Variants in UBE2Z observed in about 807,000 individuals in gnomAD.
UBE2Z encodes the protein ubiquitin conjugating enzyme E2 Z, also known as ubiquitin-conjugating enzyme E2 Z.
In UBE2Z, 10 loss-of-function variants were observed where a neutral mutation model predicts 32.6. The observed-to-expected ratio is 0.31, with a 90% CI of 0.19 to 0.52. The LOEUF is 0.52. UBE2Z is among the 20% of genes least tolerant of loss of function. The pLI, the probability that UBE2Z is intolerant of heterozygous loss-of-function variation, is 0.97. For synonymous variants in UBE2Z, 183 were observed against 190.8 expected (o/e 0.96, Z 0.34); for missense variants, 343 against 480.9 (o/e 0.71, Z 2.68).
intron 4 of UBE2Z, among the ~76,000 whole-genome samples, chr17:48,917,230 A>G (rs7208955): frequency 0.98 from 149,514 of 152,194 alleles, 73,508 homozygotes; most frequent in East Asian, 1. Context: ...GCGTGAACCC[A>G]GGTGGTGGAG....
At chr17:48,923,027 A>C in intron 6 of UBE2Z, 90 bp downstream of exon 6, 2 of 1,212,184 alleles carry the variant, frequency 1.6e-6, no homozygotes. Flanking sequence ...CTGTCATAGA[A>C]TGACACAGCT....
At position 48,918,343 on chromosome 17, in the gene UBE2Z, A is replaced by T. The variant is rs568351932; in HGVS notation, c.690+2156A>T. Among the ~76,000 whole-genome samples, 10 of 151,822 alleles carry T rather than the reference A, an allele frequency of 6.6e-5. No homozygotes were observed. In the East Asian group the frequency reaches 1.8e-3, roughly 27 times the overall value. ...TGCCTTTCAAAAATGAAAAATAAAA[A>T]TTTTTTTTGAGACAGAGTCTCACTC... On this transcript the variant is annotated intron_variant, in intron 4 of 6. Coordinates refer to ENST00000360943, the MANE Select transcript of UBE2Z (RefSeq NM_023079.5).
chr17:48,922,921 A>T lies in UBE2Z; in HGVS notation c.878A>T (p.Gln293Leu). The T allele has an allele frequency of 6.2e-7, 1 of 1,612,050 alleles. No homozygotes were observed. The highest frequency in any genetic ancestry group is 8.5e-7 in the Non-Finnish European group (1 of 1,178,948). Residue 293 changes from glutamine to leucine, a missense_variant, in exon 6 of 7, where the codon CAA (glutamine) becomes CTA (leucine). Physicochemically the swap from Gln to Leu is moderately radical, Grantham distance 113. Around this residue, in one of 4 missense-constraint regions of UBE2Z, gnomAD observed 182 missense variants for 312.4 expected, o/e 0.58. Transcript: ENST00000360943. ...GCCTGCAAAGATCGCCTGCACCTTC[A>T]AGGCCAAACTATGCAGGTAATACAA... ...EVACKDRLHLQGQTMQDPFGE... is the reference protein window; with the variant it reads ...EVACKDRLHLLGQTMQDPFGE...
chr17:48,926,842 A>G, intron 6 of UBE2Z, 122 bp from the exon 7 acceptor site: 2 of 1,094,836 alleles, frequency 1.8e-6, no homozygotes, highest in Non-Finnish European at 2.6e-6. Flanking sequence ...CTGTGCTGTT[A>G]GGCCTTCCTG....
rs996175223 is a variant in UBE2Z, at chr17:48,908,467, G to A, written c.-37G>A. The A allele has an allele frequency of 8.1e-6, 10 of 1,228,402 alleles. No individual in the cohort carries two copies. The highest frequency in any genetic ancestry group is 6.2e-5 in the African/African-American group (4 of 64,128). The allele number at this position is 1,228,402 out of a possible 1,614,324, so 76.1% of individuals were successfully genotyped here. ...GGGAGCAGCGGCCGCTCTGGTCGGC[G>A]GACGTGCTGCCGAGTAGTCCCGGAA... On this transcript the variant is annotated 5_prime_UTR_variant, in exon 1 of 7. Transcript: ENST00000360943.
chr17:48,913,059 G>A, intron 3 of UBE2Z, 38 bp downstream of exon 3: 1 of 1,598,712 alleles, frequency 6.3e-7, no homozygotes, highest in Non-Finnish European at 8.6e-7. Flanking sequence ...TCGGTTGTTA[G>A]CAGATAATTA....
intron 6 of UBE2Z, 87 bp downstream of exon 6, chr17:48,923,024 A>G: frequency 1.6e-6 from 2 of 1,220,278 alleles, no homozygotes; most frequent in Non-Finnish European, 2.3e-6. Flanking sequence ...CAGCTGTCAT[A>G]GAATGACACA....
Position 48,910,864 on chromosome 17 carries a change from C to G in UBE2Z, c.374C>G (p.Thr125Ser). ...CCAGGAATGTTCGTTGTACCTGATA[C>G]TGTTGACATGACTAAGGTATGTAAC... ...PPPGMFVVPD[T>S]VDMTKIHALI... The change falls in exon 2 of 7, where the codon ACT (threonine) becomes AGT (serine). Residue 125 changes from threonine (T) to serine (S), a missense_variant. Around this residue, in one of 4 missense-constraint regions of UBE2Z, gnomAD observed 182 missense variants for 312.4 expected, o/e 0.58. Coordinates refer to ENST00000360943, the MANE Select transcript of UBE2Z (RefSeq NM_023079.5). The G allele has an allele frequency of 6.2e-7, 1 of 1,613,334 alleles. No individual in the cohort carries two copies. Among genetic ancestry groups the G allele is most frequent in the Non-Finnish European group, 8.5e-7 (1 of 1,179,566 alleles).
At chr17:48,914,654 T>A (rs773595614) in intron 3 of UBE2Z, among the ~76,000 whole-genome samples, 1 of 151,954 alleles carries the variant, frequency 6.6e-6, no homozygotes, top group Admixed American at 6.6e-5. Context: ...GACAGTGGGG[T>A]AAAAGTAGTA....
chr17:48,911,630 ATC>A (rs1312667521), intron 2 of UBE2Z: 5 of 152,156 alleles, frequency 3.3e-5, no homozygotes, highest in Non-Finnish European at 5.9e-5. Flanking sequence ...TTGTTGGTGT[ATC>A]TTTTTTTGTT....
At chr17:48,912,759 G>A (rs927478016) in intron 2 of UBE2Z, 75 bp from the exon 3 acceptor site, 33 of 1,529,676 alleles carry the variant, frequency 2.2e-5, no homozygotes, top group Non-Finnish European at 2.9e-5. Context: ...GGTGTGGGTA[G>A]TAGGTGGAGG....
Position 48,912,992 on chromosome 17 carries a change from C to T in UBE2Z, c.549C>T (p.Arg183=). The part of the protein sequence containing the change: ...NTVRFNPNFY[R]NGKVCLSILG... Reference sequence around the variant, plus strand: ...TGAGGTTTAACCCCAACTTCTACCGCAATGGGAAAGTCTGCTTGAGTATTC... The same window carrying T: ...TGAGGTTTAACCCCAACTTCTACCGTAATGGGAAAGTCTGCTTGAGTATTC... Residue 183 remains arginine (R), a synonymous_variant, in exon 3 of 7, where the codon CGC becomes CGT. Transcript: ENST00000360943. The T allele has an allele frequency of 6.2e-7, 1 of 1,613,820 alleles. No individual in the cohort carries two copies. The highest frequency in any genetic ancestry group is 8.5e-7 in the Non-Finnish European group (1 of 1,179,850).
chr17:48,910,726 G>A (rs2143756922), intron 1 of UBE2Z, 82 bp from the exon 2 acceptor site: 1 of 1,061,840 alleles, frequency 9.4e-7, no homozygotes, highest in East Asian at 2.4e-5. Flanking sequence ...TCATTGAGGT[G>A]ATAACAACTG....
chr17:48,916,972 C>T (rs563237956), intron 4 of UBE2Z, among the ~76,000 whole-genome samples: 52 of 151,678 alleles, frequency 3.4e-4, no homozygotes, highest in African/African-American at 1.2e-3. Flanking sequence ...CATTACACTC[C>T]AGCCTGGGTA....
Position 48,919,964 on chromosome 17 carries a change from C to G in UBE2Z, c.691-1196C>G, listed in dbSNP as rs184491816. Among the ~76,000 whole-genome samples the G allele has an allele frequency of 3.9e-5, 6 of 151,968 alleles. 1 individual carries two copies. The East Asian group carries it at 1.2e-3, about 29-fold the overall frequency. Reference sequence around the variant, plus strand: ...CTTTCTGTCTTTTTTTTTTCTCCCCCTAAAGAGACAAGTGTTTCCCAGCCT... The same window carrying G: ...CTTTCTGTCTTTTTTTTTTCTCCCCGTAAAGAGACAAGTGTTTCCCAGCCT... On this transcript the variant is annotated intron_variant, in intron 4 of 6. Transcript: ENST00000360943.
intron 4 of UBE2Z, 116 bp downstream of exon 4, chr17:48,916,303 T>G: frequency 2.0e-6 from 1 of 504,020 alleles, no homozygotes; most frequent in Middle Eastern, 5.2e-4. Context: ...TCACCTAGGC[T>G]GTAGTGCAGT....
At chr17:48,919,310 G>A (rs2040743120) in intron 4 of UBE2Z, among the ~76,000 whole-genome samples, 1 of 151,956 alleles carries the variant, frequency 6.6e-6, no homozygotes, top group Non-Finnish European at 1.5e-5. Context: ...CAGAGGCCAG[G>A]GCTCTAATTG....
intron 1 of UBE2Z, among the ~76,000 whole-genome samples, chr17:48,910,048 C>T (rs977908100): frequency 6.6e-6 from 1 of 152,130 alleles, no homozygotes; most frequent in Non-Finnish European, 1.5e-5. Context: ...TCTGCTTTGT[C>T]GCCTATTTGC....
intron 6 of UBE2Z, among the ~76,000 whole-genome samples, chr17:48,923,433 C>T (rs1293743747): frequency 6.6e-6 from 1 of 151,728 alleles, no homozygotes; most frequent in African/African-American, 2.4e-5. Context: ...GAGTGTGAGA[C>T]CAGCCTGGCC....
Sources: gnomAD v4.1 joint callset for allele counts (sites outside exome capture counted in the v4.1 genomes callset) on GRCh38, gnomAD v4.1.1 for gene constraint, gnomAD v4.1.1 regional missense constraint, MANE v1.5 for transcripts, NCBI Gene and HGNC (gene_info 2026-07-23, HGNC 2026-07-21) for gene names.